OR2L13: variants seen among roughly 807,000 people sequenced by gnomAD.
OR2L13 encodes olfactory receptor family 2 subfamily L member 13.
Under a neutral mutation model 15.3 loss-of-function variants are expected in OR2L13, and 14 were observed. The observed-to-expected ratio is 0.91, with a 90% confidence interval of 0.60 to 1.43. OR2L13 has a LOEUF of 1.43. OR2L13 is among the 40% of genes most tolerant of loss of function. The pLI is 0.00. For missense variants in OR2L13, 367 were observed against 387.9 expected (o/e 0.95, Z 0.45); for synonymous variants, 152 against 142.9 (o/e 1.06, Z -0.45).
chr1:247,966,514 G>A, the OR2L13 span: 2 of 591,082 alleles, frequency 3.4e-6, no homozygotes, highest in Middle Eastern at 4.5e-4. Context: ...GCTTTTACTT[G>A]CCCTCTTGAA....
chr1:247,949,686 T>C, the OR2L13 span: 1 of 1,613,824 alleles, frequency 6.2e-7, no homozygotes, highest in Non-Finnish European at 8.5e-7. Flanking sequence ...GGCTGTCTTC[T>C]ACACCATCCT....
the OR2L13 span, among the ~76,000 whole-genome samples, chr1:247,984,779 G>A: frequency 6.6e-6 from 1 of 152,090 alleles, no homozygotes; most frequent in Non-Finnish European, 1.5e-5. Flanking sequence ...GTGGAATTCG[G>A]TGGCACTAAG....
At chr1:248,100,362 C>T in exon 3 of OR2L13, 1 of 1,135,660 alleles carries the variant, frequency 8.8e-7, no homozygotes, top group Non-Finnish European at 1.3e-6. Context: ...CAAGTTGATT[C>T]CAACACGCTA....
the OR2L13 span, among the ~76,000 whole-genome samples, chr1:248,037,402 T>C: frequency 6.6e-6 from 1 of 152,280 alleles, no homozygotes; most frequent in East Asian, 1.9e-4. Flanking sequence ...CCATAGCATA[T>C]GCATTTAATT....
At chr1:247,974,270 T>TG in the OR2L13 span, among the ~76,000 whole-genome samples, 2 of 151,790 alleles carry the variant, frequency 1.3e-5, no homozygotes, top group African/African-American at 2.4e-5. Context: ...AGAACCTTTG[T>TG]GGGGGGGCCA....
At chr1:248,042,523 CAAAT>C in the OR2L13 span, among the ~76,000 whole-genome samples, 9 of 150,884 alleles carry the variant, frequency 6.0e-5, no homozygotes, top group Admixed American at 1.3e-4. Flanking sequence ...AATAAATAAA[CAAAT>C]AAATAAATTG....
the OR2L13 span, chr1:248,003,127 C>T: frequency 1.6e-6 from 2 of 1,261,662 alleles, no homozygotes; most frequent in African/African-American, 1.4e-5. Flanking sequence ...TGTAGGAATG[C>T]CCCATGGAAA....
chr1:248,099,420 T>C (rs1298491867), exon 3 of OR2L13: 2 of 1,613,958 alleles, frequency 1.2e-6, no homozygotes, highest in South Asian at 2.2e-5. Flanking sequence ...TTTTGTTGGG[T>C]CTGCTTCCCC....
At chr1:248,006,214 T>C in the OR2L13 span, among the ~76,000 whole-genome samples, 1 of 150,954 alleles carries the variant, frequency 6.6e-6, no homozygotes, top group Non-Finnish European at 1.5e-5. Context: ...CTGCTTGGGG[T>C]CCTGTGGTAC....
the OR2L13 span, among the ~76,000 whole-genome samples, chr1:248,024,713 T>G: frequency 1.3e-5 from 2 of 152,150 alleles, no homozygotes; most frequent in South Asian, 2.1e-4. Flanking sequence ...GATCAGATAG[T>G]TGTAGATATG....
the OR2L13 span, chr1:248,023,528 A>T: frequency 1.3e-5 from 2 of 152,184 alleles, no homozygotes; most frequent in African/African-American, 4.8e-5. Context: ...GTCACATCAC[A>T]ACACACACAA....
the OR2L13 span, among the ~76,000 whole-genome samples, chr1:248,002,785 G>T: frequency 6.6e-6 from 1 of 151,814 alleles, no homozygotes; most frequent in Non-Finnish European, 1.5e-5. Context: ...GGGAACCCGG[G>T]AGGCAGAGCT....
the OR2L13 span, among the ~76,000 whole-genome samples, chr1:248,012,514 C>T: frequency 1.3e-5 from 2 of 152,144 alleles, no homozygotes; most frequent in Admixed American, 1.3e-4. Context: ...CTTCCCTCCT[C>T]ATTCAGCACA....
chr1:247,992,480 G>C, the OR2L13 span, among the ~76,000 whole-genome samples: 1 of 152,106 alleles, frequency 6.6e-6, no homozygotes, highest in African/African-American at 2.4e-5. Context: ...TGTGGATCCT[G>C]TCACCTGGTA....
chr1:248,046,027 T>C, the OR2L13 span: 1 of 152,138 alleles, frequency 6.6e-6, no homozygotes, highest in Non-Finnish European at 1.5e-5. Flanking sequence ...CCAATATCAC[T>C]TTTCTCAGAT....
At chr1:247,976,492 G>C in the OR2L13 span, among the ~76,000 whole-genome samples, 6 of 146,692 alleles carry the variant, frequency 4.1e-5, no homozygotes, top group East Asian at 7.7e-4. Context: ...TAAGAGAATG[G>C]GTTTTAAGTC....
At chr1:248,057,952 A>G in the OR2L13 span, among the ~76,000 whole-genome samples, 1 of 152,252 alleles carries the variant, frequency 6.6e-6, no homozygotes, top group African/African-American at 2.4e-5. Context: ...AAATAAGATA[A>G]TTTTTATTTC....
chr1:247,954,516 C>T, the OR2L13 span, among the ~76,000 whole-genome samples: 3,706 of 152,122 alleles, frequency 0.024, 59 homozygotes, highest in East Asian at 0.036. Context: ...GGGATCACTG[C>T]CCTTACTTTT....
chr1:247,951,569 G>A, the OR2L13 span, among the ~76,000 whole-genome samples: 40 of 152,212 alleles, frequency 2.6e-4, no homozygotes, highest in African/African-American at 8.9e-4. Flanking sequence ...CTAAGCCTGT[G>A]GATATTTGTT....
Sources: allele counts gnomAD v4.1 joint callset (sites outside exome capture counted in the v4.1 genomes callset), GRCh38; gene constraint gnomAD v4.1.1; transcripts MANE v1.5; gene names NCBI Gene and HGNC (gene_info 2026-07-23, HGNC 2026-07-21).